The following IGSF9B variants were observed in gnomAD, a reference collection of about 807,000 sequenced individuals.
IGSF9B encodes immunoglobulin superfamily member 9B, also known as protein turtle homolog B.
In IGSF9B, 48 loss-of-function variants were observed where a neutral mutation model predicts 143.7. The observed-to-expected ratio is 0.33, with a 90% CI of 0.26 to 0.42. IGSF9B has a LOEUF of 0.42. Ranked by LOEUF, IGSF9B falls within the 20% of genes least tolerant of loss-of-function variation. The pLI is 1.00. For synonymous variants in IGSF9B, 903 were observed against 833.1 expected (o/e 1.08, Z -1.44); for missense variants, 1,706 against 1,980.0 (o/e 0.86, Z 2.63).
chr11:133,899,216 A>C lies in IGSF9B; in HGVS notation c.*9853T>G, dbSNP rs1165670203. The C allele has an allele frequency of 6.6e-6, 1 of 152,298 alleles. No individual in the cohort carries two copies. Among genetic ancestry groups the C allele is most frequent in the Non-Finnish European group, 1.5e-5 (1 of 68,070 alleles). The allele number at this position is 152,298 out of a possible 1,614,324, so 9.4% of individuals were successfully genotyped here. On this transcript the variant is annotated 3_prime_UTR_variant, in exon 20 of 20. Transcript: ENST00000533871. Reference sequence around the variant, plus strand: ...ATGGGGAAGAGCTCAGGCTCCTGGCAGTGGCTGTGGGCCGTAAAAGCTCCA... The same window carrying C: ...ATGGGGAAGAGCTCAGGCTCCTGGCCGTGGCTGTGGGCCGTAAAAGCTCCA...
intron 11 of IGSF9B, among the ~76,000 whole-genome samples, 155 bp from the exon 12 acceptor site, chr11:133,929,937 G>A (rs2097422298): frequency 6.6e-6 from 1 of 152,208 alleles, no homozygotes; most frequent in South Asian, 2.1e-4. Flanking sequence ...GATGCTCTCA[G>A]GCGCCGACTC....
At position 133,902,181 on chromosome 11, in the gene IGSF9B, AC is replaced by A. The variant is rs1435285616; in HGVS notation, c.*6887del. Among the ~76,000 whole-genome samples, 7 of 146,588 alleles carry A rather than the reference AC, an allele frequency of 4.8e-5. No homozygotes were observed. Among genetic ancestry groups the A allele is most frequent in the Admixed American group, 4.1e-4 (6 of 14,800 alleles). ...CACCACACACACCAAACACACACAC[AC>A]CAAACACACCAGACACACCACAAGC... On this transcript the variant is annotated 3_prime_UTR_variant, in exon 20 of 20. Transcript: ENST00000533871.
chr11:133,943,371 T>G (rs931834110), intron 3 of IGSF9B, among the ~76,000 whole-genome samples: 1 of 152,202 alleles, frequency 6.6e-6, no homozygotes, highest in Non-Finnish European at 1.5e-5. Context: ...CCTTCATCTT[T>G]TCTCCATGGT....
intron 7 of IGSF9B, 30 bp downstream of exon 7, chr11:133,935,586 AC>A: frequency 6.3e-7 from 1 of 1,591,530 alleles, no homozygotes; most frequent in Non-Finnish European, 8.5e-7. Context: ...TGGGAGCCCC[AC>A]CACCCAGGCT....
intron 1 of IGSF9B, among the ~76,000 whole-genome samples, chr11:133,949,643 G>T (rs1304276889): frequency 6.6e-6 from 1 of 151,922 alleles, no homozygotes; most frequent in African/African-American, 2.4e-5. Context: ...GCTGGACACA[G>T]ACACACCTGT....
chr11:133,899,245 G>A lies in IGSF9B; in HGVS notation c.*9824C>T, dbSNP rs960630797. The A allele has an allele frequency of 6.6e-6, 1 of 152,450 alleles. No homozygotes were observed. The highest frequency in any genetic ancestry group is 1.9e-4 in the East Asian group (1 of 5,192). 9.4% of individuals were successfully genotyped at this position (152,450 alleles called of 1,614,324 possible). A position where few individuals can be genotyped will look rare whatever the true frequency, so the allele number is the denominator to read the frequency against. Reference sequence around the variant, plus strand: ...GCTGTGGGCCGTAAAAGCTCCATCAGAGCACACTCATCCACCTGTCGCCCC... The same window carrying A: ...GCTGTGGGCCGTAAAAGCTCCATCAAAGCACACTCATCCACCTGTCGCCCC... On this transcript the variant is annotated 3_prime_UTR_variant, in exon 20 of 20. Coordinates refer to ENST00000533871, the MANE Select transcript of IGSF9B (RefSeq NM_001277285.4).
rs34013297 is a variant in IGSF9B at position 133,904,183 on chromosome 11, C to A, written c.*4886G>T. Among the ~76,000 whole-genome samples, 28,964 of 152,142 alleles carry A rather than the reference C, an allele frequency of 0.19. 3,136 individuals are homozygous for A. Among genetic ancestry groups the A allele is most frequent in the Middle Eastern group, 0.3 (88 of 294 alleles). ...GGGATGAAGGCACGTCAGGCTCCAG[C>A]TCCCCCTCTCTATCACCATCACCAT... On this transcript the variant is annotated 3_prime_UTR_variant, in exon 20 of 20. Coordinates refer to ENST00000533871, the MANE Select transcript of IGSF9B (RefSeq NM_001277285.4).
intron 3 of IGSF9B, among the ~76,000 whole-genome samples, chr11:133,942,721 T>C (rs1384010533): frequency 2.0e-5 from 3 of 152,166 alleles, no homozygotes; most frequent in African/African-American, 7.2e-5. Flanking sequence ...CCTTCCTAAT[T>C]ACACTTTGCT....
chr11:133,926,369 G>T (rs955814340), intron 13 of IGSF9B, among the ~76,000 whole-genome samples: 2 of 152,256 alleles, frequency 1.3e-5, no homozygotes, highest in African/African-American at 4.8e-5. Context: ...CACCTTGGCG[G>T]CCGCTCAGGA....
rs542535431 is a variant in IGSF9B at position 133,919,913 on chromosome 11, G to A, written c.3812C>T (p.Pro1271Leu). 2.5e-6 allele frequency: 4 copies of A among 1,569,200 alleles called. No individual in the cohort carries two copies. Among genetic ancestry groups the A allele is most frequent in the South Asian group, 1.2e-5 (1 of 85,426 alleles). The change falls in exon 18 of 20, where the codon CCC (proline) becomes CTC (leucine). Residue 1271 changes from proline to leucine, a missense_variant. Coordinates refer to ENST00000533871, the MANE Select transcript of IGSF9B (RefSeq NM_001277285.4). ...SSRSGSPSYR[P>L]AMGFTTLATG... ...GGCCAGAGTGGTGAAGCCCATGGCG[G>A]GCCGGTAGCTGGGACTCCCACTGCG...
At chr11:133,919,132 G>GGGGGGT in intron 18 of IGSF9B, 1 of 377,752 alleles carries the variant, frequency 2.6e-6, no homozygotes. Context: ...GGGGGGGTGG[G>GGGGGGT]GGACGTGTCC....
rs1939551542 is a variant in IGSF9B at position 133,922,180 on chromosome 11, G to C, written c.2324C>G (p.Ser775Cys). ...SITHCRKSLE[S>C]PLSSGKVSPE... ...TCCCAGGATCTGAGACACTTACGGAGACTCCAGGCTCTTCCTGCAGTGGGT... is the reference window on the plus strand; with the variant it reads ...TCCCAGGATCTGAGACACTTACGGACACTCCAGGCTCTTCCTGCAGTGGGT... Residue 775 changes from serine to cysteine, a missense_variant, in exon 17 of 20, where the codon TCT (serine) becomes TGT (cysteine). Physicochemically the swap from Ser to Cys is moderately radical, Grantham distance 112. Around this residue, in one of 7 missense-constraint regions of IGSF9B, gnomAD observed 135 missense variants for 181.3 expected, o/e 0.74. Coordinates refer to ENST00000533871, the MANE Select transcript of IGSF9B (RefSeq NM_001277285.4). 1 of 1,613,128 alleles carries C rather than the reference G, an allele frequency of 6.2e-7. No individual in the cohort carries two copies. Among genetic ancestry groups the C allele is most frequent in the Non-Finnish European group, 8.5e-7 (1 of 1,179,374 alleles).
In IGSF9B at chr11:133,920,680, C is replaced by T; in HGVS notation, c.3045G>A (p.Glu1015=). The T allele has an allele frequency of 6.2e-7, 1 of 1,613,526 alleles. No homozygotes were observed. Among genetic ancestry groups the T allele is most frequent in the Non-Finnish European group, 8.5e-7 (1 of 1,179,822 alleles). ...TGCTGTTGGATGCATTCTCTCCATT[C>T]TCCTCGGGGATGGTGGGGTGGCCAA... ...GPFGHPTIPE[E]NGENASNSTL... Residue 1015 remains glutamate (E), a synonymous_variant, in exon 18 of 20, where the codon GAG becomes GAA. Coordinates refer to ENST00000533871, the MANE Select transcript of IGSF9B (RefSeq NM_001277285.4).
chr11:133,940,067 CAG>C (rs773408444), intron 3 of IGSF9B, among the ~76,000 whole-genome samples: 29 of 138,254 alleles, frequency 2.1e-4, no homozygotes, highest in Non-Finnish European at 3.5e-4. Context: ...TCATCATATA[CAG>C]AAACATACAC....
chr11:133,939,455 A>C (rs1427202831), intron 3 of IGSF9B, among the ~76,000 whole-genome samples: 1 of 152,274 alleles, frequency 6.6e-6, no homozygotes, highest in Non-Finnish European at 1.5e-5. Flanking sequence ...GTAGGTCACC[A>C]CATGCCCAGC....
Position 133,938,603 on chromosome 11 carries a change from C to T in IGSF9B, c.410-642G>A, listed in dbSNP as rs993170705. On this transcript the variant is annotated intron_variant, in intron 3 of 19. Coordinates refer to ENST00000533871, the MANE Select transcript of IGSF9B (RefSeq NM_001277285.4). The stretch of plus-strand genomic sequence containing the variant: ...TAAAACTCCATCCTGTTTGGGTAAT[C>T]GGCTTTTCACAGACTCAGTCCCATT... Among the ~76,000 whole-genome samples, 4 of 152,162 alleles carry T rather than the reference C, an allele frequency of 2.6e-5. No individual in the cohort carries two copies. The South Asian group carries it at 8.3e-4, about 32-fold the overall frequency.
In IGSF9B at chr11:133,931,435, G is replaced by A; in HGVS notation, c.1368+18C>T. 6.4e-7 allele frequency: 1 copy of A among 1,572,922 alleles called. No individual in the cohort carries two copies. Among genetic ancestry groups the A allele is most frequent in the Non-Finnish European group, 8.7e-7 (1 of 1,144,362 alleles). ...CCTCACACCTCCCTGCAGACCCAGGGCTCCAGGGCCCAGGTACCTTTCTCC... is the reference window on the plus strand; with the variant it reads ...CCTCACACCTCCCTGCAGACCCAGGACTCCAGGGCCCAGGTACCTTTCTCC... On this transcript the variant is annotated intron_variant, in intron 10 of 19. Coordinates refer to ENST00000533871, the MANE Select transcript of IGSF9B (RefSeq NM_001277285.4). This position sits in a 1 kb window ranked among gnomAD's most constrained non-coding sequence, Gnocchi z 7.7.
At chr11:133,926,493 A>C (rs902458280) in intron 13 of IGSF9B, among the ~76,000 whole-genome samples, 2 of 152,192 alleles carry the variant, frequency 1.3e-5, no homozygotes, top group Non-Finnish European at 2.9e-5. Flanking sequence ...GTGGCCAGGC[A>C]GGGAGGAGTA....
At chr11:133,939,648 C>A (rs1939886398) in intron 3 of IGSF9B, among the ~76,000 whole-genome samples, 1 of 152,282 alleles carries the variant, frequency 6.6e-6, no homozygotes, top group Admixed American at 6.5e-5. Context: ...CCAAAGCCTG[C>A]AGCTCAGTGC....
Sources: gnomAD v4.1 joint callset for allele counts (sites outside exome capture counted in the v4.1 genomes callset) on GRCh38, gnomAD v4.1.1 for gene constraint, gnomAD v4.1.1 regional missense constraint, Gnocchi (gnomAD v3.1) non-coding constraint, MANE v1.5 for transcripts, NCBI Gene and HGNC (gene_info 2026-07-23, HGNC 2026-07-21) for gene names.